The following HSD17B12 variants were observed in gnomAD, a reference collection of about 807,000 sequenced individuals.
The protein encoded by HSD17B12 is hydroxysteroid 17-beta dehydrogenase 12.
HSD17B12 carries 32 observed loss-of-function variants against 39.3 expected under a neutral mutation model. The ratio of observed to expected loss-of-function variants is 0.81; its 90% confidence interval spans 0.61 to 1.09. The LOEUF (loss-of-function observed/expected upper bound fraction) is 1.09, where lower values mean the gene tolerates loss of function less well. Among genes scored for constraint, HSD17B12 ranks in the 50% least tolerant of loss-of-function variants. The pLI, the probability that HSD17B12 is intolerant of heterozygous loss-of-function variation, is 0.00. For missense variants in HSD17B12, 342 were observed against 382.9 expected (o/e 0.89, Z 0.89); for synonymous variants, 150 against 146.7 (o/e 1.02, Z -0.16).
At chr11:43,706,726 G>C (rs1412590893) in intron 1 of HSD17B12, among the ~76,000 whole-genome samples, 1 of 151,192 alleles carries the variant, frequency 6.6e-6, no homozygotes, top group Non-Finnish European at 1.5e-5. Flanking sequence ...GTGTGTTGTG[G>C]GGGGTGGGTG....
At position 43,854,627 on chromosome 11, in the gene HSD17B12, T is replaced by A. The variant is rs542712859; in HGVS notation, c.685-88T>A. 25 of 1,397,872 alleles carry A rather than the reference T, an allele frequency of 1.8e-5. No individual in the cohort carries two copies. The South Asian group carries it at 3.2e-4, about 18-fold the overall frequency. The allele number at this position is 1,397,872 out of a possible 1,614,324, so 86.6% of individuals were successfully genotyped here. A position where few individuals can be genotyped will look rare whatever the true frequency, so the allele number is the denominator to read the frequency against. On this transcript the variant is annotated intron_variant, in intron 9 of 10. Coordinates refer to ENST00000278353, the MANE Select transcript of HSD17B12 (RefSeq NM_016142.3). ...GTAAAGATACAGATGTTTCTACCAC[T>A]AAGAGCAGTCAAGCACCACTGTACA...
chr11:43,792,682 C>CTTTTTTT (rs60140879), intron 3 of HSD17B12, among the ~76,000 whole-genome samples: 20 of 101,300 alleles, frequency 2.0e-4, no homozygotes, highest in Non-Finnish European at 2.4e-4. Flanking sequence ...TCAATGTAAC[C>CTTTTTTT]TTTTTTTTTT....
the HSD17B12 span, among the ~76,000 whole-genome samples, chr11:43,650,543 A>C: frequency 3.3e-5 from 5 of 152,142 alleles, no homozygotes; most frequent in African/African-American, 1.2e-4. Context: ...GCCGTTCTGG[A>C]GAGCAGCCTG....
intron 3 of HSD17B12, among the ~76,000 whole-genome samples, chr11:43,766,124 C>T (rs114693078): frequency 0.11 from 17,432 of 152,312 alleles, 1,175 homozygotes; most frequent in Middle Eastern, 0.18. Flanking sequence ...CGTGCCCGGC[C>T]TCGCCTTTTC....
At chr11:43,623,757 C>A in the HSD17B12 span, among the ~76,000 whole-genome samples, 2 of 151,828 alleles carry the variant, frequency 1.3e-5, no homozygotes, top group African/African-American at 4.8e-5. Flanking sequence ...TGGTGGTGAG[C>A]TTTTTAAAAA....
At chr11:43,749,092 C>T (rs1029032916) in intron 1 of HSD17B12, among the ~76,000 whole-genome samples, 4 of 152,144 alleles carry the variant, frequency 2.6e-5, no homozygotes, top group African/African-American at 7.2e-5. Context: ...TTATGAAGTA[C>T]TCCTACCAAA....
chr11:43,571,215 T>C, the HSD17B12 span, among the ~76,000 whole-genome samples: 1 of 152,222 alleles, frequency 6.6e-6, no homozygotes, highest in Non-Finnish European at 1.5e-5. Context: ...TTCAGGTAGA[T>C]AAACAACTGT....
At chr11:43,771,462 C>T (rs867897464) in intron 3 of HSD17B12, among the ~76,000 whole-genome samples, 158 of 90,486 alleles carry the variant, frequency 1.7e-3, no homozygotes, top group Middle Eastern at 0.01. Flanking sequence ...GACTCATATT[C>T]TTTTTTTTTT....
At chr11:43,718,906 C>G (rs1405700930) in intron 1 of HSD17B12, 2 of 982,232 alleles carry the variant, frequency 2.0e-6, no homozygotes, top group South Asian at 2.5e-5. Context: ...ATGCTGTCAT[C>G]AAGTTTCCAT....
At chr11:43,744,313 T>C (rs1950394418) in intron 1 of HSD17B12, among the ~76,000 whole-genome samples, 2 of 152,094 alleles carry the variant, frequency 1.3e-5, no homozygotes, top group Non-Finnish European at 2.9e-5. Flanking sequence ...ATTTTCATGA[T>C]GGAGTTCTAC....
At chr11:43,734,489 A>G in intron 1 of HSD17B12, 1 of 634,058 alleles carries the variant, frequency 1.6e-6, no homozygotes, top group Non-Finnish European at 2.9e-6. Context: ...CGTGGAGGAC[A>G]TTGCATACCA....
intron 4 of HSD17B12, among the ~76,000 whole-genome samples, chr11:43,809,264 T>G (rs951557239): frequency 1.6e-4 from 25 of 152,334 alleles, no homozygotes; most frequent in African/African-American, 5.5e-4. Context: ...ATGTATATGA[T>G]CTCATTTAAT....
chr11:43,604,372 C>T, the HSD17B12 span, among the ~76,000 whole-genome samples: 1 of 152,246 alleles, frequency 6.6e-6, no homozygotes, highest in African/African-American at 2.4e-5. Context: ...GTTGCACTAG[C>T]ATTAGTGGGT....
chr11:43,686,418 A>C (rs1361863985), intron 1 of HSD17B12, among the ~76,000 whole-genome samples: 1 of 152,206 alleles, frequency 6.6e-6, no homozygotes, highest in Non-Finnish European at 1.5e-5. Context: ...CTAGTGCTGG[A>C]GTCTACATAA....
the HSD17B12 span, among the ~76,000 whole-genome samples, chr11:43,610,734 A>G: frequency 6.6e-6 from 1 of 152,192 alleles, no homozygotes; most frequent in Non-Finnish European, 1.5e-5. Flanking sequence ...GTTCTTGGGC[A>G]TATTTAAATT....
At chr11:43,797,328 T>C (rs952737881) in intron 3 of HSD17B12, among the ~76,000 whole-genome samples, 2 of 152,210 alleles carry the variant, frequency 1.3e-5, no homozygotes, top group African/African-American at 4.8e-5. Flanking sequence ...GAATAAGCAT[T>C]CCTAGCTCAC....
the HSD17B12 span, among the ~76,000 whole-genome samples, chr11:43,609,526 A>G: frequency 6.6e-6 from 1 of 151,846 alleles, no homozygotes; most frequent in African/African-American, 2.4e-5. Context: ...CCACCATGCC[A>G]GGCTAATTTT....
intron 4 of HSD17B12, among the ~76,000 whole-genome samples, chr11:43,802,660 C>T (rs1950982864): frequency 1.3e-5 from 2 of 152,162 alleles, no homozygotes; most frequent in Non-Finnish European, 1.5e-5. Context: ...TGTTCTGAAA[C>T]ATTTCTGATT....
At chr11:43,771,028 G>A (rs942410256) in intron 3 of HSD17B12, among the ~76,000 whole-genome samples, 6 of 152,070 alleles carry the variant, frequency 3.9e-5, no homozygotes, top group East Asian at 3.9e-4. Context: ...ACAAAAATAC[G>A]CATGTACAGG....
Sources: gnomAD v4.1 joint callset for allele counts (sites outside exome capture counted in the v4.1 genomes callset) on GRCh38, gnomAD v4.1.1 for gene constraint, MANE v1.5 for transcripts, NCBI Gene and HGNC (gene_info 2026-07-23, HGNC 2026-07-21) for gene names.